MMP28: variants seen among roughly 807,000 people sequenced by gnomAD.
MMP28 encodes the protein matrix metallopeptidase 28.
In MMP28, 55 loss-of-function variants were observed where a neutral mutation model predicts 60.5. That is an observed-to-expected ratio of 0.91 (90% CI 0.73 to 1.14). MMP28 has a LOEUF of 1.14. MMP28 is among the 50% of genes most tolerant of loss of function. The pLI, the probability that MMP28 is intolerant of heterozygous loss-of-function variation, is 0.00. For missense variants in MMP28, 686 were observed against 738.3 expected (o/e 0.93, Z 0.82); for synonymous variants, 318 against 312.5 (o/e 1.02, Z -0.18).
At chr17:35,762,901 A>G (rs1207155438), downstream of MMP28, among the ~76,000 whole-genome samples, 2 of 152,086 alleles carry the variant, frequency 1.3e-5, no homozygotes, top group East Asian at 3.9e-4. Context: ...CGAGGCGGGC[A>G]GATCACGAGG....
chr17:35,774,248 T>C (rs888516648), intron 3 of MMP28, among the ~76,000 whole-genome samples: 2 of 152,218 alleles, frequency 1.3e-5, no homozygotes, highest in African/African-American at 4.8e-5. Flanking sequence ...GGCAGCAGCA[T>C]GGCCGGAAGG....
In MMP28 at chr17:35,773,323, G is replaced by A; in HGVS notation, c.461C>T (p.Ala154Val). 1.2e-6 allele frequency: 2 copies of A among 1,613,268 alleles called. No homozygotes were observed. Among genetic ancestry groups the A allele is most frequent in the Non-Finnish European group, 1.7e-6 (2 of 1,179,674 alleles). ...EHLPEPAVRG[A>V]VRAAFQLWSN... ...CCACAACTGGAAGGCGGCGCGCACG[G>A]CGCCCCGAACTGCCGGCTCCGGCAG... The change falls in exon 4 of 8, where the codon GCC becomes GTC. Residue 154 changes from alanine to valine, a missense_variant. By Grantham distance (64) the Ala-to-Val change is moderately conservative. Coordinates refer to ENST00000605424, the MANE Select transcript of MMP28 (RefSeq NM_024302.5).
downstream of MMP28, chr17:35,763,897 A>AAAATAAATAAAT (rs35027942): frequency 0.05 from 32,883 of 653,598 alleles, 2,033 homozygotes; most frequent in African/African-American, 0.2. Context: ...ACCCTGTCTC[A>AAAATAAATAAAT]AAATAAATAA....
chr17:35,767,500 G>C (rs547171015), intron 7 of MMP28, among the ~76,000 whole-genome samples: 1 of 152,192 alleles, frequency 6.6e-6, no homozygotes, highest in Non-Finnish European at 1.5e-5. Context: ...CAGAACTCCA[G>C]AGCAGTCCTC....
At chr17:35,770,735 T>C (rs912399098) in intron 4 of MMP28, among the ~76,000 whole-genome samples, 1 of 151,998 alleles carries the variant, frequency 6.6e-6, no homozygotes, top group Non-Finnish European at 1.5e-5. Context: ...TGTGTGTGTG[T>C]GTGTGTGTGT....
chr17:35,787,515 G>C lies in MMP28; in HGVS notation c.111+7752C>G, dbSNP rs184824600. 4.8e-4 allele frequency among the ~76,000 whole-genome samples: 73 copies of C among 152,108 alleles called. 1 individual carries two copies. Among genetic ancestry groups the C allele is most frequent in the African/African-American group, 1.5e-3 (63 of 41,474 alleles). On this transcript the variant is annotated intron_variant, in intron 1 of 7. Coordinates refer to ENST00000605424, the MANE Select transcript of MMP28 (RefSeq NM_024302.5). ...TTGTTTGTTTGTTTGTTTTTAGTCA[G>C]AGTCTTGTTCTGTTGCCCAGGCTGG...
intron 4 of MMP28, among the ~76,000 whole-genome samples, chr17:35,772,931 A>G (rs919110608): frequency 6.6e-6 from 1 of 152,214 alleles, no homozygotes; most frequent in Non-Finnish European, 1.5e-5. Flanking sequence ...CAGAATGCAT[A>G]ATACTCTTGA....
intron 1 of MMP28, among the ~76,000 whole-genome samples, chr17:35,793,888 A>T (rs2086886737): frequency 6.6e-6 from 1 of 152,198 alleles, no homozygotes; most frequent in Admixed American, 6.5e-5. Context: ...ACTTAAGGTC[A>T]GGAGTTCGAG....
intron 1 of MMP28, among the ~76,000 whole-genome samples, chr17:35,793,111 G>A (rs901169352): frequency 4.6e-5 from 7 of 152,072 alleles, no homozygotes; most frequent in African/African-American, 1.4e-4. Context: ...ATAGAGACAC[G>A]TACACACCCA....
chr17:35,788,155 C>A (rs1053344714), intron 1 of MMP28, among the ~76,000 whole-genome samples: 2 of 152,050 alleles, frequency 1.3e-5, no homozygotes, highest in Admixed American at 6.6e-5. Context: ...ATCCTTCTAC[C>A]TTGGCCTCCC....
intron 1 of MMP28, among the ~76,000 whole-genome samples, chr17:35,793,437 T>A (rs2086873507): frequency 6.6e-6 from 1 of 152,116 alleles, no homozygotes; most frequent in South Asian, 2.1e-4. Context: ...CTGTACTTGA[T>A]GTTGTAAGAG....
downstream of MMP28, chr17:35,764,231 C>T (rs1555602190): frequency 6.5e-7 from 1 of 1,543,826 alleles, no homozygotes; most frequent in South Asian, 1.2e-5. Flanking sequence ...GTCCAGCACC[C>T]AGCAGGTGGC....
In MMP28 at chr17:35,767,749, T is replaced by A; in HGVS notation, c.1168+3A>T. Reference sequence around the variant, plus strand: ...GTTTTCCCCGCTGCCCCAGAGCCAGTACCTTTGAAGAAGTAGAAATCTCCA... The same window carrying A: ...GTTTTCCCCGCTGCCCCAGAGCCAGAACCTTTGAAGAAGTAGAAATCTCCA... On this transcript the variant is annotated splice_donor_region_variant and intron_variant, in intron 7 of 7. Transcript: ENST00000605424. 4.5e-6 allele frequency: 7 copies of A among 1,554,448 alleles called. No homozygotes were observed. The highest frequency in any genetic ancestry group is 6.1e-6 in the Non-Finnish European group (7 of 1,148,906).
chr17:35,788,034 T>C (rs963254590), intron 1 of MMP28, among the ~76,000 whole-genome samples: 41 of 151,364 alleles, frequency 2.7e-4, no homozygotes, highest in Non-Finnish European at 5.0e-4. Context: ...GCCTCCTGAG[T>C]AGCTCGGACT....
chr17:35,786,062 T>G (rs373695442), intron 1 of MMP28, among the ~76,000 whole-genome samples: 11 of 128,808 alleles, frequency 8.5e-5, no homozygotes, highest in African/African-American at 1.4e-4. Context: ...TCTTGTTTTT[T>G]TTTTTTTTTT....
Position 35,766,980 on chromosome 17 carries a change from C to T in MMP28, c.1169-86G>A. 7.9e-7 allele frequency: 1 copy of T among 1,262,020 alleles called. No homozygotes were observed. The highest frequency in any genetic ancestry group is 1.5e-5 in the African/African-American group (1 of 67,818). 78.2% of individuals were successfully genotyped at this position (1,262,020 alleles called of 1,614,324 possible). On this transcript the variant is annotated intron_variant, in intron 7 of 7. Coordinates refer to ENST00000605424, the MANE Select transcript of MMP28 (RefSeq NM_024302.5). The surrounding 1 kb of genome is among the most constrained non-coding windows in gnomAD (Gnocchi z 4.3). ...CACTTCTGTCCCCCATACCTCTGCT[C>T]TCCTTTAAGCTGGAGCCCACGATGG... is the stretch of plus-strand genomic sequence containing the variant.
chr17:35,794,245 CTT>C (rs749895795), intron 1 of MMP28, among the ~76,000 whole-genome samples: 14,556 of 133,306 alleles, frequency 0.11, 853 homozygotes, highest in East Asian at 0.3. Context: ...ATTACAACCA[CTT>C]TTTTTTTTTT....
intron 4 of MMP28, among the ~76,000 whole-genome samples, chr17:35,772,416 C>T (rs1490915125): frequency 1.3e-5 from 2 of 152,158 alleles, no homozygotes; most frequent in African/African-American, 4.8e-5. Flanking sequence ...TAGATTCCTC[C>T]TGGTCCTAAC....
At chr17:35,775,129 T>A (rs2086287586) in intron 3 of MMP28, among the ~76,000 whole-genome samples, 1 of 152,134 alleles carries the variant, frequency 6.6e-6, no homozygotes, top group African/African-American at 2.4e-5. Context: ...TAGGAAACTC[T>A]GAGTATGTGC....
Sources: gnomAD v4.1 joint callset for allele counts (sites outside exome capture counted in the v4.1 genomes callset) on GRCh38, gnomAD v4.1.1 for gene constraint, Gnocchi (gnomAD v3.1) non-coding constraint, MANE v1.5 for transcripts, NCBI Gene and HGNC (gene_info 2026-07-23, HGNC 2026-07-21) for gene names.